Variants in PCSK5 observed in about 807,000 individuals in gnomAD.
PCSK5 encodes the protein prohormone convertase 5.
A neutral mutation model predicts 233.2 loss-of-function variants in PCSK5; 129 were observed. The ratio of observed to expected loss-of-function variants is 0.55; its 90% CI spans 0.48 to 0.64. The LOEUF (loss-of-function observed/expected upper bound fraction) is 0.64. PCSK5 is among the 30% of genes least tolerant of loss of function. The pLI is 0.00. For synonymous variants in PCSK5, 825 were observed against 879.2 expected (o/e 0.94, Z 1.09); for missense variants, 2,076 against 2,430.1 (o/e 0.85, Z 3.06).
intron 24 of PCSK5, among the ~76,000 whole-genome samples, chr9:76,258,959 G>A (rs1391391484): frequency 6.6e-6 from 1 of 152,152 alleles, no homozygotes; most frequent in African/African-American, 2.4e-5. Flanking sequence ...GTGCCCAAAT[G>A]TGCATTAGTG....
intron 1 of PCSK5, among the ~76,000 whole-genome samples, chr9:75,927,545 A>G (rs955231403): frequency 1.3e-5 from 2 of 152,146 alleles, no homozygotes. Flanking sequence ...GTCACCTTGC[A>G]TAACTATGTA....
chr9:76,205,563 G>A (rs1825082072), intron 20 of PCSK5, among the ~76,000 whole-genome samples: 1 of 152,138 alleles, frequency 6.6e-6, no homozygotes, highest in African/African-American at 2.4e-5. Context: ...CATCACTGAA[G>A]TTCCGTCTCC....
rs750674249 is a variant in PCSK5 at position 76,023,726 on chromosome 9, T to C, written c.412-12T>C. 16 of 1,594,350 alleles carry C rather than the reference T, an allele frequency of 1.0e-5. No individual in the cohort carries two copies. In the South Asian group the frequency reaches 1.3e-4, roughly 13 times the overall value. On this transcript the variant is annotated splice_polypyrimidine_tract_variant and intron_variant, in intron 3 of 37. Coordinates refer to ENST00000674117, the MANE Select transcript of PCSK5 (RefSeq NM_001372043.1). Reference sequence around the variant, plus strand: ...TATTTAGTAATCTTGCAGCATGCTCTTCTTCTTTCAGCACTGCAGTGACAA... The same window carrying C: ...TATTTAGTAATCTTGCAGCATGCTCCTCTTCTTTCAGCACTGCAGTGACAA...
chr9:76,165,508 G>A (rs1036258821), intron 12 of PCSK5, among the ~76,000 whole-genome samples: 6 of 152,154 alleles, frequency 3.9e-5, no homozygotes, highest in Non-Finnish European at 7.3e-5. Context: ...TTCCTCAAAA[G>A]GATATACTAC....
intron 3 of PCSK5, among the ~76,000 whole-genome samples, chr9:75,989,142 G>T (rs1277641218): frequency 6.6e-6 from 1 of 152,174 alleles, no homozygotes; most frequent in Admixed American, 6.5e-5. Context: ...TTTCAGATCT[G>T]CAGATCTGGA....
intron 2 of PCSK5, among the ~76,000 whole-genome samples, chr9:75,952,241 G>A (rs2131326537): frequency 6.6e-6 from 1 of 152,140 alleles, no homozygotes; most frequent in Non-Finnish European, 1.5e-5. Flanking sequence ...TTCTTTTAAT[G>A]TAAAATTTAC....
At chr9:76,239,272 T>G in intron 23 of PCSK5, 107 bp downstream of exon 23, 1 of 905,460 alleles carries the variant, frequency 1.1e-6, no homozygotes, top group Middle Eastern at 3.4e-4. Flanking sequence ...ATGTCAGCAC[T>G]TGGGATGATT....
intron 35 of PCSK5, among the ~76,000 whole-genome samples, chr9:76,348,570 C>T (rs13289867): frequency 0.12 from 17,853 of 151,904 alleles, 1,268 homozygotes; most frequent in Middle Eastern, 0.25. Context: ...TGCAATATAG[C>T]CTGGGCAACA....
chr9:76,179,731 A>G, intron 15 of PCSK5, 33 bp downstream of exon 15: 1 of 1,440,004 alleles, frequency 6.9e-7, no homozygotes, highest in Non-Finnish European at 9.8e-7. Context: ...TCCCCACAGC[A>G]TGTGCCAGGC....
At chr9:76,249,440 TAAAAC>T (rs1554712137) in intron 24 of PCSK5, among the ~76,000 whole-genome samples, 3 of 152,178 alleles carry the variant, frequency 2.0e-5, no homozygotes, top group Non-Finnish European at 4.4e-5. Context: ...AATAAAGAGA[TAAAAC>T]AATCAAGAAA....
chr9:76,129,965 A>T (rs1468328857), intron 9 of PCSK5, among the ~76,000 whole-genome samples: 1 of 152,142 alleles, frequency 6.6e-6, no homozygotes, highest in African/African-American at 2.4e-5. Context: ...GCTGAGATTC[A>T]CTGAACGGAG....
At chr9:76,351,348 A>G (rs1830116322) in intron 36 of PCSK5, among the ~76,000 whole-genome samples, 1 of 151,070 alleles carries the variant, frequency 6.6e-6, no homozygotes, top group African/African-American at 2.4e-5. Context: ...TTCCTTTACC[A>G]CTTTACAGTG....
chr9:76,308,274 C>G (rs1419547447), intron 28 of PCSK5, among the ~76,000 whole-genome samples: 1 of 152,246 alleles, frequency 6.6e-6, no homozygotes, highest in Non-Finnish European at 1.5e-5. Context: ...CTCATAAACT[C>G]ATTCACAAGT....
chr9:76,124,402 T>C (rs1482173066), intron 9 of PCSK5, among the ~76,000 whole-genome samples: 1 of 152,216 alleles, frequency 6.6e-6, no homozygotes, highest in Non-Finnish European at 1.5e-5. Context: ...GTTTGTTTCC[T>C]GTCCTCCAAA....
chr9:75,899,535 C>T (rs1365137225), intron 1 of PCSK5, among the ~76,000 whole-genome samples: 1 of 152,174 alleles, frequency 6.6e-6, no homozygotes, highest in Non-Finnish European at 1.5e-5. Flanking sequence ...CATCTCCCTC[C>T]TCCCTCTCCT....
At chr9:76,209,838 C>A (rs563197923) in intron 20 of PCSK5, among the ~76,000 whole-genome samples, 1 of 151,670 alleles carries the variant, frequency 6.6e-6, no homozygotes, top group South Asian at 2.1e-4. Context: ...AAAATATGTA[C>A]AAAGCACAAC....
intron 7 of PCSK5, among the ~76,000 whole-genome samples, chr9:76,079,945 A>G (rs1052563670): frequency 1.3e-5 from 2 of 152,148 alleles, no homozygotes; most frequent in African/African-American, 4.8e-5. Flanking sequence ...GCTTTTAATT[A>G]TATTTATGTG....
chr9:75,936,485 A>G (rs532454023), intron 2 of PCSK5, among the ~76,000 whole-genome samples: 96 of 152,318 alleles, frequency 6.3e-4, no homozygotes, highest in African/African-American at 2.3e-3. Context: ...CTCTGTTGTC[A>G]TTTCAACAAT....
At chr9:75,931,888 A>G (rs890702454) in intron 1 of PCSK5, among the ~76,000 whole-genome samples, 12 of 152,250 alleles carry the variant, frequency 7.9e-5, no homozygotes, top group Admixed American at 2.6e-4. Context: ...TCACAAACAA[A>G]CGAAGTCATG....
Sources: allele counts gnomAD v4.1 joint callset (sites outside exome capture counted in the v4.1 genomes callset), GRCh38; gene constraint gnomAD v4.1.1; transcripts MANE v1.5; gene names NCBI Gene and HGNC (gene_info 2026-07-23, HGNC 2026-07-21).